The following WTAP variants were observed in gnomAD, a reference collection of about 807,000 sequenced individuals.
WTAP encodes WT1 associated protein.
A neutral mutation model predicts 50.0 loss-of-function variants in WTAP; 8 were observed. The observed-to-expected ratio is 0.16, with a 90% CI of 0.09 to 0.29. The LOEUF is 0.29. Among genes scored for constraint, WTAP ranks in the 10% least tolerant of loss-of-function variants. The probability of loss-of-function intolerance (pLI) is 1.00; values close to 1 mark genes in which losing one functional copy is unlikely to be tolerated. For missense variants in WTAP, 295 were observed against 470.7 expected (o/e 0.63, Z 3.45); for synonymous variants, 194 against 169.0 (o/e 1.15, Z -1.15).
Position 159,755,973 on chromosome 6 carries a change from T to C in WTAP, c.*362T>C, listed in dbSNP as rs982659173. ...AAATCTGTCTGTTTAGAATCTGTGC[T>C]GTGTAAGGGCATTCGTACTCATGCT... is the stretch of plus-strand genomic sequence containing the variant. On this transcript the variant is annotated 3_prime_UTR_variant, in exon 8 of 8. Coordinates refer to ENST00000621533, the MANE Select transcript of WTAP (RefSeq NM_001270531.2). 1 of 192,250 alleles carries C rather than the reference T, an allele frequency of 5.2e-6. No individual in the cohort carries two copies. The highest frequency in any genetic ancestry group is 1.5e-4 in the East Asian group (1 of 6,520). 11.9% of individuals were successfully genotyped at this position (192,250 alleles called of 1,614,324 possible).
chr6:159,755,601 C>G lies in WTAP; in HGVS notation c.1181C>G (p.Ser394Ter). ...GACTCAAGTGTAAATGTACAGGGTT[C>G]AGTTTTGTAATATTTTTTCAGCAAA... ...GLDSSVNVQG[S>*]VL The change falls in exon 8 of 8, where the codon TCA (serine) becomes TGA (stop). Residue 394 changes from serine to a stop codon, truncating the protein, a stop_gained. Coordinates refer to ENST00000621533, the MANE Select transcript of WTAP (RefSeq NM_001270531.2). LOFTEE classifies it high-confidence loss of function. 1 of 1,599,098 alleles carries G rather than the reference C, an allele frequency of 6.3e-7. No individual in the cohort carries two copies. The highest frequency in any genetic ancestry group is 8.5e-7 in the Non-Finnish European group (1 of 1,172,660).
intron 5 of WTAP, among the ~76,000 whole-genome samples, chr6:159,746,683 G>A (rs187798545): frequency 4.6e-5 from 7 of 152,220 alleles, no homozygotes; most frequent in African/African-American, 1.7e-4. Flanking sequence ...TATTTTGTTG[G>A]TAAGTAAAAT....
At chr6:159,727,097 G>C (rs1167515703), upstream of WTAP, 1 of 1,194,582 alleles carries the variant, frequency 8.4e-7, no homozygotes, top group East Asian at 5.9e-5. Context: ...CGACCTCGCT[G>C]GCCCGCCCCT....
chr6:159,735,283 C>T lies in WTAP; in HGVS notation c.-8-975C>T, dbSNP rs144156939. Among the ~76,000 whole-genome samples, 178 of 152,188 alleles carry T rather than the reference C, an allele frequency of 1.2e-3. No homozygotes were observed. The East Asian group carries it at 0.027, about 23-fold the overall frequency. On this transcript the variant is annotated intron_variant, in intron 1 of 7. Coordinates refer to ENST00000621533, the MANE Select transcript of WTAP (RefSeq NM_001270531.2). ...TCTCCCTAGTAGCTGGGATTACAGGCGTGTGCCACTACGCCGGGCTAATTT... is the reference window on the plus strand; with the variant it reads ...TCTCCCTAGTAGCTGGGATTACAGGTGTGTGCCACTACGCCGGGCTAATTT...
At position 159,755,693 on chromosome 6, in the gene WTAP, C is replaced by A. The variant is rs1482251578; in HGVS notation, c.*82C>A. The A allele has an allele frequency of 1.1e-5, 12 of 1,124,878 alleles. 1 individual carries two copies. In the South Asian group the frequency reaches 1.8e-4, roughly 17 times the overall value. The allele number at this position is 1,124,878 out of a possible 1,614,324, so 69.7% of individuals were successfully genotyped here. On this transcript the variant is annotated 3_prime_UTR_variant, in exon 8 of 8. Coordinates refer to ENST00000621533, the MANE Select transcript of WTAP (RefSeq NM_001270531.2). The stretch of plus-strand genomic sequence containing the variant: ...AGAAAATTAATGCATACTTTTGTCA[C>A]AATTTGCCTTTTTGTGGGTGTACGT...
intron 6 of WTAP, among the ~76,000 whole-genome samples, chr6:159,751,790 G>C (rs956987846): frequency 6.6e-6 from 1 of 152,114 alleles, no homozygotes; most frequent in Non-Finnish European, 1.5e-5. Flanking sequence ...AGCCAGGCAC[G>C]GTGGCTCATG....
chr6:159,748,408 A>G lies in WTAP; in HGVS notation c.452+39A>G, dbSNP rs765736170. ...ACTCCCCAGTCAAGACTTCCCTGAC[A>G]GTCCCACTACGAGAAAGCTGTGGTG... On this transcript the variant is annotated intron_variant, in intron 6 of 7. Transcript: ENST00000621533. This position sits in a 1 kb window ranked among gnomAD's most constrained non-coding sequence, Gnocchi z 5.6. The G allele has an allele frequency of 6.2e-7, 1 of 1,607,912 alleles. No homozygotes were observed. Among genetic ancestry groups the G allele is most frequent in the African/African-American group, 1.3e-5 (1 of 74,880 alleles).
At chr6:159,753,406 C>G (rs1313327616) in intron 6 of WTAP, 54 bp from the exon 7 acceptor site, 1 of 1,611,680 alleles carries the variant, frequency 6.2e-7, no homozygotes, top group Non-Finnish European at 8.5e-7. Context: ...TAATTGTAAG[C>G]AAAGACAGAG....
intron 1 of WTAP, among the ~76,000 whole-genome samples, chr6:159,732,917 G>GTGTGTT (rs1387845552): frequency 2.9e-5 from 4 of 139,064 alleles, no homozygotes; most frequent in Admixed American, 1.5e-4. Context: ...GTGTGTGTGT[G>GTGTGTT]TAAAATTGAT....
intron 5 of WTAP, among the ~76,000 whole-genome samples, chr6:159,747,966 A>G (rs1008600316): frequency 2.0e-5 from 3 of 152,196 alleles, no homozygotes; most frequent in Non-Finnish European, 4.4e-5. Context: ...TTCAATACAT[A>G]TAATGTATAG....
At chr6:159,752,355 T>C (rs1779851478) in intron 6 of WTAP, among the ~76,000 whole-genome samples, 1 of 152,212 alleles carries the variant, frequency 6.6e-6, no homozygotes, top group African/African-American at 2.4e-5. Context: ...TCATTTCTTT[T>C]TTTTTCTTTT....
rs559361345 is a variant in WTAP at position 159,730,526 on chromosome 6, AT to A, written c.-9+2827del. ...AAGTCAAAATTGCCAATTAGGTTCT[AT>A]TTTGACCAAATAGTTGAATGTTGTA... is the stretch of plus-strand genomic sequence containing the variant. On this transcript the variant is annotated intron_variant, in intron 1 of 7. Coordinates refer to ENST00000621533, the MANE Select transcript of WTAP (RefSeq NM_001270531.2). Among the ~76,000 whole-genome samples the A allele has an allele frequency of 2.0e-3, 299 of 152,316 alleles. 1 individual carries two copies. The South Asian group carries it at 0.02, about 10-fold the overall frequency.
At chr6:159,726,799 G>A (rs1445742602), upstream of WTAP, 7 of 1,289,080 alleles carry the variant, frequency 5.4e-6, no homozygotes, top group African/African-American at 9.1e-5. Context: ...AGGAGACTGC[G>A]CCTCACGACT....
chr6:159,737,381 C>T (rs1308521159), intron 2 of WTAP, among the ~76,000 whole-genome samples: 1 of 152,068 alleles, frequency 6.6e-6, no homozygotes, highest in Admixed American at 6.6e-5. Flanking sequence ...ATAGTTCCCT[C>T]GTTCCATTTT....
chr6:159,733,699 A>G (rs1778729825), intron 1 of WTAP, among the ~76,000 whole-genome samples: 1 of 151,748 alleles, frequency 6.6e-6, no homozygotes, highest in African/African-American at 2.4e-5. Flanking sequence ...AGATCACCTG[A>G]GGTCGGGATT....
intron 1 of WTAP, 34 bp downstream of exon 1, chr6:159,727,737 G>A: frequency 1.0e-6 from 1 of 985,300 alleles, no homozygotes. Flanking sequence ...AGCGGACGCG[G>A]GGGACCTCCG....
chr6:159,729,561 C>G (rs1253269449), intron 1 of WTAP, among the ~76,000 whole-genome samples: 4 of 143,390 alleles, frequency 2.8e-5, no homozygotes, highest in Admixed American at 6.9e-5. Context: ...ATATTATGTT[C>G]ATATTTTATT....
In WTAP at chr6:159,748,165, G is replaced by C. The variant is rs372979089; in HGVS notation, c.274-26G>C. ...TATGTATGTTTCCTTTGATTTGGTC[G>C]TAATTGTTTCTTTTGCTTTGCACAG... On this transcript the variant is annotated intron_variant, in intron 5 of 7. Coordinates refer to ENST00000621533, the MANE Select transcript of WTAP (RefSeq NM_001270531.2). The surrounding 1 kb of genome is among the most constrained non-coding windows in gnomAD (Gnocchi z 5.6). 7.5e-6 allele frequency: 12 copies of C among 1,600,836 alleles called. No homozygotes were observed. In the Middle Eastern group the frequency reaches 1.5e-3, roughly 199 times the overall value.
chr6:159,743,649 T>G lies in WTAP; in HGVS notation c.146-16T>G. On this transcript the variant is annotated splice_polypyrimidine_tract_variant and intron_variant, in intron 4 of 7. Coordinates refer to ENST00000621533, the MANE Select transcript of WTAP (RefSeq NM_001270531.2). ...GATCTTAAAATTGTATTTATAATTT[T>G]TTTTTGAATCATCAGCTAATGATGT... 1.3e-6 allele frequency: 2 copies of G among 1,581,010 alleles called. No individual in the cohort carries two copies. Among genetic ancestry groups the G allele is most frequent in the Non-Finnish European group, 1.7e-6 (2 of 1,168,220 alleles).
Sources: gnomAD v4.1 joint callset for allele counts (sites outside exome capture counted in the v4.1 genomes callset) on GRCh38, gnomAD v4.1.1 for gene constraint, Gnocchi (gnomAD v3.1) non-coding constraint, MANE v1.5 for transcripts, NCBI Gene and HGNC (gene_info 2026-07-23, HGNC 2026-07-21) for gene names.